The following NXPE2 variants were observed in gnomAD, a reference collection of about 807,000 sequenced individuals.
NXPE2 encodes NXPE family member 2.
Under a neutral mutation model 34.4 loss-of-function variants are expected in NXPE2, and 34 were observed. That is an observed-to-expected ratio of 0.99 (90% confidence interval 0.75 to 1.31). The LOEUF is 1.31. NXPE2 is among the 40% of genes most tolerant of loss of function. NXPE2 has a pLI of 0.00. For synonymous variants in NXPE2, 235 were observed against 231.3 expected, an observed-to-expected ratio of 1.02 and a Z score of -0.15; for missense variants, 649 against 672.5, an observed-to-expected ratio of 0.97 and a Z score of 0.39.
At chr11:114,653,578 C>T in the NXPE2 span, among the ~76,000 whole-genome samples, 3 of 144,262 alleles carry the variant, frequency 2.1e-5, no homozygotes, top group Non-Finnish European at 3.0e-5. Flanking sequence ...CTCTGTCGCC[C>T]AGGCAGTGGC....
chr11:114,619,082 TC>T, the NXPE2 span, among the ~76,000 whole-genome samples: 1 of 152,112 alleles, frequency 6.6e-6, no homozygotes, highest in Non-Finnish European at 1.5e-5. Context: ...AAGTATTGCA[TC>T]ATGGGTAACC....
At chr11:114,636,018 T>C in the NXPE2 span, among the ~76,000 whole-genome samples, 3 of 152,050 alleles carry the variant, frequency 2.0e-5, no homozygotes, top group Non-Finnish European at 4.4e-5. Flanking sequence ...TTCTATTGAT[T>C]GGAATAGTTT....
At chr11:114,637,744 A>T in the NXPE2 span, among the ~76,000 whole-genome samples, 2 of 151,550 alleles carry the variant, frequency 1.3e-5, no homozygotes, top group Non-Finnish European at 2.9e-5. Context: ...GCTGGATATG[A>T]AATTCTGGGT....
chr11:114,632,594 G>T, the NXPE2 span, among the ~76,000 whole-genome samples: 1 of 98,166 alleles, frequency 1.0e-5, no homozygotes, highest in Non-Finnish European at 1.8e-5. Context: ...ATTGTATATT[G>T]ATGTATATAT....
At chr11:114,765,505 T>C in the NXPE2 span, among the ~76,000 whole-genome samples, 1 of 152,222 alleles carries the variant, frequency 6.6e-6, no homozygotes, top group Non-Finnish European at 1.5e-5. Flanking sequence ...AACTTTTGTA[T>C]ATACTGGGAA....
the NXPE2 span, among the ~76,000 whole-genome samples, chr11:114,586,210 G>T: frequency 6.6e-6 from 1 of 152,156 alleles, no homozygotes; most frequent in Non-Finnish European, 1.5e-5. Flanking sequence ...ACAGAAGAGA[G>T]CTTTTCTCTT....
the NXPE2 span, among the ~76,000 whole-genome samples, chr11:114,546,428 G>A: frequency 6.6e-6 from 1 of 151,274 alleles, no homozygotes; most frequent in African/African-American, 2.4e-5. Context: ...AGATATGCAT[G>A]TATTACTGGC....
At chr11:114,809,426 A>G in the NXPE2 span, among the ~76,000 whole-genome samples, 1 of 150,484 alleles carries the variant, frequency 6.6e-6, no homozygotes, top group African/African-American at 2.4e-5. Context: ...AGATGACATG[A>G]TTGTATATCT....
the NXPE2 span, chr11:114,570,910 G>T: frequency 1.3e-6 from 2 of 1,495,958 alleles, no homozygotes; most frequent in Admixed American, 1.9e-5. Context: ...TTTTACTTAA[G>T]TGAATGAATT....
At chr11:114,549,094 G>A in the NXPE2 span, among the ~76,000 whole-genome samples, 28 of 151,744 alleles carry the variant, frequency 1.8e-4, no homozygotes, top group Non-Finnish European at 2.7e-4. Context: ...ATTGACCTGA[G>A]TGACATTAAA....
At chr11:114,797,857 C>T in the NXPE2 span, among the ~76,000 whole-genome samples, 6 of 152,120 alleles carry the variant, frequency 3.9e-5, no homozygotes, top group Non-Finnish European at 8.8e-5. Flanking sequence ...TTCTGAGGCC[C>T]ACATCCTTGA....
chr11:114,808,016 A>G, the NXPE2 span, among the ~76,000 whole-genome samples: 1 of 152,250 alleles, frequency 6.6e-6, no homozygotes, highest in Admixed American at 6.5e-5. Flanking sequence ...GTGCAATCAA[A>G]CTAGAACCCA....
intron 1 of NXPE2, among the ~76,000 whole-genome samples, 165 bp from the exon 2 acceptor site, chr11:114,679,492 G>T (rs78351008): frequency 0.012 from 1,838 of 152,116 alleles, 24 homozygotes; most frequent in Non-Finnish European, 0.019. Flanking sequence ...CTGCCTCAGG[G>T]AAACACTTTG....
At chr11:114,699,000 A>C (rs1354811923) in intron 3 of NXPE2, among the ~76,000 whole-genome samples, 1 of 152,172 alleles carries the variant, frequency 6.6e-6, no homozygotes, top group Non-Finnish European at 1.5e-5. Context: ...AGCACTTAAT[A>C]TAGACCTATA....
chr11:114,522,296 C>G, the NXPE2 span: 10 of 1,614,030 alleles, frequency 6.2e-6, no homozygotes, highest in Non-Finnish European at 8.5e-6. Flanking sequence ...AAAGTGCTGG[C>G]CAAAGGTGAT....
At chr11:114,557,634 C>T in the NXPE2 span, among the ~76,000 whole-genome samples, 29 of 128,450 alleles carry the variant, frequency 2.3e-4, no homozygotes, top group Admixed American at 3.3e-4. Context: ...ATATATAATA[C>T]ATATATATAT....
At chr11:114,616,888 C>T in the NXPE2 span, among the ~76,000 whole-genome samples, 1 of 150,880 alleles carries the variant, frequency 6.6e-6, no homozygotes, top group African/African-American at 2.5e-5. Context: ...CCGCTGGATA[C>T]TAGGTATTGT....
At chr11:114,666,217 TAC>T in the NXPE2 span, among the ~76,000 whole-genome samples, 1 of 152,180 alleles carries the variant, frequency 6.6e-6, no homozygotes, top group Admixed American at 6.6e-5. Context: ...ATACCTTTGC[TAC>T]CGTATAGCAG....
the NXPE2 span, among the ~76,000 whole-genome samples, chr11:114,780,371 C>T: frequency 1.3e-5 from 2 of 152,122 alleles, no homozygotes; most frequent in Non-Finnish European, 2.9e-5. Context: ...AGGATGAGGA[C>T]AAAGAGGAGG....
Sources: gnomAD v4.1 joint callset for allele counts (sites outside exome capture counted in the v4.1 genomes callset) on GRCh38, gnomAD v4.1.1 for gene constraint, MANE v1.5 for transcripts, NCBI Gene and HGNC (gene_info 2026-07-23, HGNC 2026-07-21) for gene names.